The following DST variants were observed in gnomAD, a reference collection of about 807,000 sequenced individuals.
DST encodes bullous pemphigoid antigen.
In DST, 253 loss-of-function variants were observed where a neutral mutation model predicts 875.2. That is an observed-to-expected ratio of 0.29 (90% CI 0.26 to 0.32). The LOEUF (loss-of-function observed/expected upper bound fraction) is 0.32. Ranked by LOEUF, DST falls within the 10% of genes least tolerant of loss-of-function variation. DST has a pLI of 1.00. For synonymous variants in DST, 3,124 were observed against 3,197.1 expected, an observed-to-expected ratio of 0.98 and a Z score of 0.77; for missense variants, 8,287 against 9,111.6, an observed-to-expected ratio of 0.91 and a Z score of 3.68.
chr6:56,924,980 T>C (rs545497137), intron 2 of DST, among the ~76,000 whole-genome samples: 117 of 152,270 alleles, frequency 7.7e-4, no homozygotes, highest in Middle Eastern at 3.4e-3. Flanking sequence ...CTTATTCCTT[T>C]TATAATTAGA....
chr6:56,573,878 ACAATGT>A lies in DST; in HGVS notation c.13031_13036del (p.Asp4344_Ile4345del). 1 of 1,612,226 alleles carries A rather than the reference ACAATGT, an allele frequency of 6.2e-7. No individual in the cohort carries two copies. Among genetic ancestry groups the A allele is most frequent in the East Asian group, 2.2e-5 (1 of 44,814 alleles). Reference sequence around the variant, plus strand: ...CTTGGACAGATCCTCATATCTCCCAACAATGTCATCTACTCCAAACAGATCAGGAAT... The same window carrying A: ...CTTGGACAGATCCTCATATCTCCCAACATCTACTCCAAACAGATCAGGAAT... On this transcript the variant is annotated inframe_deletion, in exon 51 of 104. Coordinates refer to ENST00000680361, the MANE Select transcript of DST (RefSeq NM_001374736.1).
At position 56,808,198 on chromosome 6, in the gene DST, C is replaced by T. The variant is rs139282645; in HGVS notation, c.625+43199G>A. ...GACTTCTGGCCCACCTACCCAAGCCCTAACAAAGTCCACAACTGTTTGTTA... is the reference window on the plus strand; with the variant it reads ...GACTTCTGGCCCACCTACCCAAGCCTTAACAAAGTCCACAACTGTTTGTTA... On this transcript the variant is annotated intron_variant, in intron 4 of 103. Transcript: ENST00000680361. Among the ~76,000 whole-genome samples, 127 of 152,148 alleles carry T rather than the reference C, an allele frequency of 8.3e-4. 2 individuals carry two copies. Among genetic ancestry groups the T allele is most frequent in the African/African-American group, 2.6e-3 (107 of 41,496 alleles).
chr6:56,530,187 C>G (rs554259650), intron 64 of DST, 54 bp from the exon 65 acceptor site: 117 of 1,384,940 alleles, frequency 8.4e-5, no homozygotes, highest in Admixed American at 2.1e-4. Context: ...AAATATTCAA[C>G]AAAAATCTTC....
In DST at chr6:56,527,561, C is replaced by G; in HGVS notation, c.17854G>C (p.Glu5952Gln). Reference sequence around the variant, plus strand: ...ACCTGAGTTTCATATGAAAGTAATTCCACCTCCACTTTGTCCAGCCAGGTA... The same window carrying G: ...ACCTGAGTTTCATATGAAAGTAATTGCACCTCCACTTTGTCCAGCCAGGTA... ...LCTWLDKVEV[E>Q]LLSYETQVLK... is the part of the protein sequence containing the mutation. The change falls in exon 68 of 104, where the codon GAA (glutamate) becomes CAA (glutamine). Residue 5952 changes from glutamate to glutamine, a missense_variant. Around this residue, in one of 10 missense-constraint regions of DST, gnomAD observed 777 missense variants for 764.8 expected, o/e 1.02. Transcript: ENST00000680361. The G allele has an allele frequency of 6.2e-7, 1 of 1,613,796 alleles. No individual in the cohort carries two copies. Among genetic ancestry groups the G allele is most frequent in the Non-Finnish European group, 8.5e-7 (1 of 1,179,836 alleles).
At position 56,552,634 on chromosome 6, in the gene DST, A is replaced by T; in HGVS notation, c.16158T>A (p.His5386Gln). The T allele has an allele frequency of 6.2e-7, 1 of 1,613,956 alleles. No individual in the cohort carries two copies. The highest frequency in any genetic ancestry group is 8.5e-7 in the Non-Finnish European group (1 of 1,179,884). ...ACATTTCTCGAATGGTATTCTGGAA[A>T]TGCCCAATGCCCTGAAGCTTGGTTT... ...FLETKLQGIG[H>Q]FQNTIREMFS... Residue 5386 changes from histidine to glutamine, a missense_variant, in exon 61 of 104, where the codon CAT (histidine) becomes CAA (glutamine). His to Gln is a conservative substitution (Grantham distance 24). This residue lies in a region of DST where 1,513 missense variants were observed against 1,677.8 expected (regional missense o/e 0.90). Transcript: ENST00000680361.
chr6:56,467,854 G>A lies in DST; in HGVS notation c.22569+1128C>T, dbSNP rs1232629221. Among the ~76,000 whole-genome samples, 6 of 152,222 alleles carry A rather than the reference G, an allele frequency of 3.9e-5. 1 individual carries two copies. The highest frequency in any genetic ancestry group is 3.9e-4 in the Admixed American group (6 of 15,284). On this transcript the variant is annotated intron_variant, in intron 98 of 103. Transcript: ENST00000680361. ...ACTAATGTTGCTGACTGTGCTTTCA[G>A]TGAGTAAAACCTTTTGAGGTATTTC... is the stretch of plus-strand genomic sequence containing the variant.
intron 4 of DST, among the ~76,000 whole-genome samples, chr6:56,812,866 C>T (rs1258635134): frequency 6.6e-6 from 1 of 152,008 alleles, no homozygotes; most frequent in African/African-American, 2.4e-5. Flanking sequence ...CCATTTGACC[C>T]AGCCATCCCA....
chr6:56,727,626 T>C lies in DST; in HGVS notation c.687+7602A>G, dbSNP rs1397039621. Among the ~76,000 whole-genome samples, 6 of 152,206 alleles carry C rather than the reference T, an allele frequency of 3.9e-5. No individual in the cohort carries two copies. The East Asian group carries it at 9.6e-4, about 24-fold the overall frequency. On this transcript the variant is annotated intron_variant, in intron 5 of 103. Transcript: ENST00000680361. The stretch of plus-strand genomic sequence containing the variant: ...TATCTCTAAACTCTTGCCTAGTGTG[T>C]TGATTGAAGAAGAATGCAAATAGAA...
chr6:56,521,596 C>A, intron 69 of DST, among the ~76,000 whole-genome samples: 1 of 75,040 alleles, frequency 1.3e-5, no homozygotes, highest in African/African-American at 5.6e-5. Context: ...ATTTGCTCTG[C>A]TAAGGAAAAA....
intron 4 of DST, among the ~76,000 whole-genome samples, chr6:56,738,866 A>G (rs1418338237): frequency 6.8e-6 from 1 of 147,880 alleles, no homozygotes; most frequent in African/African-American, 2.5e-5. Flanking sequence ...CACGCCATCC[A>G]CCTGCTTCAG....
intron 10 of DST, among the ~76,000 whole-genome samples, chr6:56,656,149 TA>T (rs2099007182): frequency 6.6e-6 from 1 of 152,272 alleles, no homozygotes; most frequent in Non-Finnish European, 1.5e-5. Flanking sequence ...AGCCAAGTTT[TA>T]GAATCCTTAT....
At chr6:56,670,554 TATA>T (rs2099096339) in intron 10 of DST, 84 bp downstream of exon 10, 1 of 1,036,240 alleles carries the variant, frequency 9.7e-7, no homozygotes, top group South Asian at 2.5e-5. Context: ...CTTTTGCTTC[TATA>T]ATAATAAAAG....
At chr6:56,824,814 C>T (rs149563860) in intron 4 of DST, among the ~76,000 whole-genome samples, 23,230 of 151,684 alleles carry the variant, frequency 0.15, 2,002 homozygotes, top group Non-Finnish European at 0.18. Flanking sequence ...GTCCGGCAGC[C>T]GCCCCGTCTG....
At position 56,603,433 on chromosome 6, in the gene DST, A is replaced by G. The variant is rs1586319983; in HGVS notation, c.10942-13T>C. On this transcript the variant is annotated splice_polypyrimidine_tract_variant and intron_variant, in intron 41 of 103. Coordinates refer to ENST00000680361, the MANE Select transcript of DST (RefSeq NM_001374736.1). ...CCAATTCAAATGTCTGCAAAGAAAT[A>G]TATCCCGGACCTATTTACTATTTAG... 6.2e-7 allele frequency: 1 copy of G among 1,608,528 alleles called. No homozygotes were observed. Among genetic ancestry groups the G allele is most frequent in the East Asian group, 2.2e-5 (1 of 44,834 alleles).
At position 56,645,999 on chromosome 6, in the gene DST, GA is replaced by G; in HGVS notation, c.1651-7del. ...CGTCCAAATTCTATCCAAATCTTGA[GA>G]AAACAAAAAACTTTAATGTGAAGCA... On this transcript the variant is annotated splice_polypyrimidine_tract_variant and splice_region_variant and intron_variant, in intron 14 of 103. Coordinates refer to ENST00000680361, the MANE Select transcript of DST (RefSeq NM_001374736.1). The G allele has an allele frequency of 6.2e-7, 1 of 1,605,400 alleles. No homozygotes were observed. Among genetic ancestry groups the G allele is most frequent in the Admixed American group, 1.7e-5 (1 of 57,786 alleles).
In DST at chr6:56,607,230, G is replaced by A. The variant is rs2152712081; in HGVS notation, c.7398C>T (p.Ala2466=). The A allele has an allele frequency of 6.2e-7, 1 of 1,613,216 alleles. No homozygotes were observed. The change falls in exon 40 of 104, where the codon GCC becomes GCT. Residue 2466 remains alanine, a synonymous_variant. Transcript: ENST00000680361. ...TTTTGTCACTGAATGATAAGGCTGG[G>A]GCTTCACACTTATTTCCATTGCTCT... The part of the protein sequence containing the change: ...TPESNGNKCE[A]PALSFSDKTM...
intron 15 of DST, among the ~76,000 whole-genome samples, chr6:56,644,244 C>T (rs1206887278): frequency 2.6e-5 from 4 of 152,102 alleles, no homozygotes; most frequent in East Asian, 1.9e-4. Context: ...TTACCTTTTC[C>T]GTAAAAGCTG....
At position 56,525,698 on chromosome 6, in the gene DST, T is replaced by G. The variant is rs184781351; in HGVS notation, c.18129+663A>C. Among the ~76,000 whole-genome samples the G allele has an allele frequency of 8.5e-5, 13 of 152,300 alleles. No individual in the cohort carries two copies. The East Asian group carries it at 1.9e-3, about 23-fold the overall frequency. On this transcript the variant is annotated intron_variant, in intron 69 of 103. Coordinates refer to ENST00000680361, the MANE Select transcript of DST (RefSeq NM_001374736.1). ...CTTAATATAAATATTCACAGAAATT[T>G]CAACTAAAGTTAATCAACACATGTA...
intron 9 of DST, among the ~76,000 whole-genome samples, chr6:56,689,014 C>G: frequency 6.6e-6 from 1 of 152,062 alleles, no homozygotes; most frequent in Non-Finnish European, 1.5e-5. Flanking sequence ...ACAGTTCAGC[C>G]TGGCAGACAA....
Sources: allele counts gnomAD v4.1 joint callset (sites outside exome capture counted in the v4.1 genomes callset), GRCh38; gene constraint gnomAD v4.1.1; regional missense constraint gnomAD v4.1.1; transcripts MANE v1.5; gene names NCBI Gene and HGNC (gene_info 2026-07-23, HGNC 2026-07-21).